Variants in SMYD3 observed in about 807,000 individuals in gnomAD.
The protein encoded by SMYD3 is histone-lysine N-methyltransferase SMYD3.
SMYD3 carries 36 observed loss-of-function variants against 57.7 expected under a neutral mutation model. The observed-to-expected ratio is 0.62, with a 90% CI of 0.48 to 0.82. The LOEUF is 0.82. SMYD3 is among the 40% of genes least tolerant of loss of function. The probability of loss-of-function intolerance (pLI) is 0.00; values close to 1 mark genes in which losing one functional copy is unlikely to be tolerated. For synonymous variants in SMYD3, 211 were observed against 195.0 expected (o/e 1.08, Z -0.68); for missense variants, 515 against 538.8 (o/e 0.96, Z 0.44).
intron 8 of SMYD3, among the ~76,000 whole-genome samples, chr1:245,902,003 G>A (rs929550078): frequency 1.3e-5 from 2 of 152,178 alleles, no homozygotes; most frequent in South Asian, 4.1e-4. Context: ...CACCCCTCAG[G>A]ACCCAAGGTG....
rs1307881494 is a variant in SMYD3, at chr1:246,481,621, T to TATATATACAC, written c.164+25432_164+25433insGTGTATATAT. Among the ~76,000 whole-genome samples, 74 of 98,550 alleles carry TATATATACAC rather than the reference T, an allele frequency of 7.5e-4. 2 individuals are homozygous for TATATATACAC. Among genetic ancestry groups the TATATATACAC allele is most frequent in the South Asian group, 4.0e-3 (13 of 3,270 alleles). 64.7% of individuals were successfully genotyped at this position (98,550 alleles called of 152,430 possible). ...ATATATATATATACACATACATATA[T>TATATATACAC]ACATACATACATACACATATTCATA... On this transcript the variant is annotated intron_variant, in intron 1 of 11. Coordinates refer to ENST00000490107, the MANE Select transcript of SMYD3 (RefSeq NM_001167740.2).
At chr1:245,905,475 C>A (rs1320650708) in intron 8 of SMYD3, among the ~76,000 whole-genome samples, 3 of 152,138 alleles carry the variant, frequency 2.0e-5, no homozygotes, top group African/African-American at 7.2e-5. Flanking sequence ...AAGGTGGCTG[C>A]GGGGTGAGGC....
rs77206496 is a variant in SMYD3 at position 246,276,395 on chromosome 1, C to G, written c.531+50806G>C. ...AACACTGGCAGGTTATTTAATGTTT[C>G]TAGTGGAGTCTGATGCCCATGTTTG... On this transcript the variant is annotated intron_variant, in intron 5 of 11. Coordinates refer to ENST00000490107, the MANE Select transcript of SMYD3 (RefSeq NM_001167740.2). Among the ~76,000 whole-genome samples, 25 of 71,398 alleles carry G rather than the reference C, an allele frequency of 3.5e-4. 1 individual carries two copies. The highest frequency in any genetic ancestry group is 1.9e-3 in the East Asian group (1 of 536). 46.8% of individuals were successfully genotyped at this position (71,398 alleles called of 152,430 possible).
At chr1:246,249,193 T>TC (rs147826275) in intron 5 of SMYD3, among the ~76,000 whole-genome samples, 3,587 of 152,064 alleles carry the variant, frequency 0.024, 145 homozygotes, top group African/African-American at 0.081. Flanking sequence ...GCTCATTGCC[T>TC]CCCAGGTTTA....
chr1:245,874,916 G>A (rs1033265576), intron 8 of SMYD3, among the ~76,000 whole-genome samples: 1 of 152,226 alleles, frequency 6.6e-6, no homozygotes, highest in Non-Finnish European at 1.5e-5. Context: ...TAAAGTTTGG[G>A]AGGAGAGAGG....
At position 245,941,330 on chromosome 1, in the gene SMYD3, C is replaced by T. The variant is rs1009853604; in HGVS notation, c.532-11393G>A. The stretch of plus-strand genomic sequence containing the variant: ...AAATCCAGGGAACCCCAGTAAGATA[C>T]TCCATGAGAAGATCAACCCCAAGAC... On this transcript the variant is annotated intron_variant, in intron 5 of 11. Transcript: ENST00000490107. Among the ~76,000 whole-genome samples, 22 of 152,208 alleles carry T rather than the reference C, an allele frequency of 1.4e-4. No homozygotes were observed. The South Asian group carries it at 2.1e-3, about 14-fold the overall frequency.
At chr1:245,939,576 A>G (rs2057137574) in intron 5 of SMYD3, among the ~76,000 whole-genome samples, 1 of 152,246 alleles carries the variant, frequency 6.6e-6, no homozygotes, top group African/African-American at 2.4e-5. Flanking sequence ...GCAGTGAGCC[A>G]AGATCGCACC....
At chr1:246,041,551 T>G (rs1405868802) in intron 5 of SMYD3, among the ~76,000 whole-genome samples, 1 of 152,168 alleles carries the variant, frequency 6.6e-6, no homozygotes, top group Non-Finnish European at 1.5e-5. Context: ...TGTATCCCAG[T>G]GTTGCCAGGG....
At chr1:245,867,695 C>CAG (rs2051955800) in intron 8 of SMYD3, among the ~76,000 whole-genome samples, 1 of 151,872 alleles carries the variant, frequency 6.6e-6, no homozygotes, top group Non-Finnish European at 1.5e-5. Context: ...CACACTCACA[C>CAG]ACACATTTTG....
At chr1:246,309,931 C>T (rs768505601) in intron 5 of SMYD3, among the ~76,000 whole-genome samples, 9 of 152,300 alleles carry the variant, frequency 5.9e-5, no homozygotes, top group Non-Finnish European at 1.2e-4. Context: ...CCAGACACTA[C>T]ATGAGGAAAT....
chr1:246,139,736 A>C (rs1294105741), intron 5 of SMYD3, among the ~76,000 whole-genome samples: 1 of 152,234 alleles, frequency 6.6e-6, no homozygotes, highest in African/African-American at 2.4e-5. Flanking sequence ...GGCCTTAATG[A>C]CAGGCTATTT....
intron 5 of SMYD3, among the ~76,000 whole-genome samples, chr1:246,058,535 G>A (rs1011118262): frequency 2.6e-5 from 4 of 152,070 alleles, no homozygotes; most frequent in Non-Finnish European, 4.4e-5. Flanking sequence ...TGGCAGAATC[G>A]GGTCATTTTC....
intron 5 of SMYD3, among the ~76,000 whole-genome samples, chr1:246,270,772 T>A (rs1040283060): frequency 6.6e-6 from 1 of 152,234 alleles, no homozygotes; most frequent in African/African-American, 2.4e-5. Context: ...AGTGCTGCTA[T>A]GAACACTGGC....
chr1:246,132,804 T>C (rs1461204898), intron 5 of SMYD3, among the ~76,000 whole-genome samples: 3 of 151,994 alleles, frequency 2.0e-5, no homozygotes, highest in East Asian at 1.9e-4. Context: ...AAAAACCCAA[T>C]TTTTAAAATG....
intron 5 of SMYD3, among the ~76,000 whole-genome samples, chr1:246,036,978 T>C (rs2059787122): frequency 2.0e-5 from 3 of 152,124 alleles, no homozygotes; most frequent in African/African-American, 7.2e-5. Context: ...AGCTTCCTCA[T>C]CGTTTTTTAT....
chr1:246,171,943 C>T (rs945410800), intron 5 of SMYD3, among the ~76,000 whole-genome samples: 3 of 152,150 alleles, frequency 2.0e-5, no homozygotes, highest in East Asian at 1.9e-4. Flanking sequence ...CCCAGGAGTT[C>T]GAGGCTACAG....
At chr1:246,128,887 C>G (rs2061547073) in intron 5 of SMYD3, among the ~76,000 whole-genome samples, 1 of 152,086 alleles carries the variant, frequency 6.6e-6, no homozygotes, top group Non-Finnish European at 1.5e-5. Context: ...ACTGCAGCCT[C>G]AACTTTCCCC....
intron 5 of SMYD3, among the ~76,000 whole-genome samples, chr1:246,096,882 A>G (rs1338968714): frequency 6.6e-6 from 1 of 152,210 alleles, no homozygotes; most frequent in Non-Finnish European, 1.5e-5. Context: ...CATCTTACCA[A>G]AGACAATGAA....
At chr1:246,002,516 CACCATGTTAGCCAGGATGGT>C (rs2059087993) in intron 5 of SMYD3, among the ~76,000 whole-genome samples, 2 of 86,186 alleles carry the variant, frequency 2.3e-5, no homozygotes, top group Admixed American at 1.4e-4. Flanking sequence ...GACGGGGTTT[CACCATGTTAGCCAGGATGGT>C]CTCGATCTCC....
Sources: allele counts gnomAD v4.1 joint callset (sites outside exome capture counted in the v4.1 genomes callset), GRCh38; gene constraint gnomAD v4.1.1; transcripts MANE v1.5; gene names NCBI Gene and HGNC (gene_info 2026-07-23, HGNC 2026-07-21).